The following ASCC3 variants were observed in gnomAD, a reference collection of about 807,000 sequenced individuals.
The protein encoded by ASCC3 is ASC-1 complex subunit P200.
In ASCC3, 158 loss-of-function variants were observed where a neutral mutation model predicts 256.3. The observed-to-expected ratio is 0.62, with a 90% confidence interval of 0.54 to 0.70. ASCC3 has a LOEUF of 0.70. Among genes scored for constraint, ASCC3 ranks in the 30% least tolerant of loss-of-function variants. The pLI is 0.00. For synonymous variants in ASCC3, 948 were observed against 883.4 expected (o/e 1.07, Z -1.30); for missense variants, 2,259 against 2,626.0 (o/e 0.86, Z 3.05).
intron 36 of ASCC3, among the ~76,000 whole-genome samples, chr6:100,546,021 A>G (rs1020379155): frequency 6.6e-6 from 1 of 152,236 alleles, no homozygotes; most frequent in Non-Finnish European, 1.5e-5. Flanking sequence ...ATCAATGTAG[A>G]AAGTCCAATG....
chr6:100,605,537 A>G (rs773450379), intron 33 of ASCC3, 31 bp downstream of exon 33: 3 of 1,415,234 alleles, frequency 2.1e-6, no homozygotes, highest in Non-Finnish European at 2.0e-6. Context: ...GATTAAATAA[A>G]TCCATTTAAA....
At chr6:100,856,474 CAT>C (rs560360086) in intron 3 of ASCC3, 113 of 893,214 alleles carry the variant, frequency 1.3e-4, no homozygotes, top group Admixed American at 1.9e-4. Context: ...ATATAAAAAT[CAT>C]AGTAATTCTT....
At chr6:100,585,474 C>G (rs1044627857) in intron 36 of ASCC3, among the ~76,000 whole-genome samples, 2 of 152,166 alleles carry the variant, frequency 1.3e-5, no homozygotes, top group African/African-American at 4.8e-5. Context: ...TCTAGTTATA[C>G]ATTCGTCTAA....
chr6:100,814,476 T>A (rs148200358), intron 4 of ASCC3, among the ~76,000 whole-genome samples: 8 of 151,878 alleles, frequency 5.3e-5, no homozygotes, highest in Admixed American at 1.3e-4. Flanking sequence ...TAGGGAGGAG[T>A]CCCTCCTCCC....
chr6:100,832,850 C>A (rs543282629), intron 4 of ASCC3, among the ~76,000 whole-genome samples: 3 of 151,826 alleles, frequency 2.0e-5, no homozygotes, highest in Admixed American at 6.6e-5. Context: ...TTATGGATTA[C>A]AATTAAACAA....
At chr6:100,773,635 T>A (rs1312692016) in intron 8 of ASCC3, among the ~76,000 whole-genome samples, 2 of 152,170 alleles carry the variant, frequency 1.3e-5, no homozygotes, top group African/African-American at 4.8e-5. Flanking sequence ...AATATTGAAA[T>A]GAGTCTTTTA....
chr6:100,520,039 T>C (rs770834961), intron 37 of ASCC3, among the ~76,000 whole-genome samples: 1 of 152,146 alleles, frequency 6.6e-6, no homozygotes, highest in Non-Finnish European at 1.5e-5. Context: ...TTGCTACAAG[T>C]TTCTCTGCTC....
chr6:100,869,788 GA>G (rs1773646553), intron 1 of ASCC3, among the ~76,000 whole-genome samples: 1 of 152,032 alleles, frequency 6.6e-6, no homozygotes, highest in South Asian at 2.1e-4. Context: ...CATAGGAAAG[GA>G]AAGGCTGAAA....
chr6:100,662,676 T>G (rs1776283868), intron 14 of ASCC3, 140 bp from the exon 15 acceptor site: 1 of 703,998 alleles, frequency 1.4e-6, no homozygotes. Context: ...TAGTATATAA[T>G]GCTTTATATA....
intron 8 of ASCC3, among the ~76,000 whole-genome samples, chr6:100,769,474 C>A (rs1781819458): frequency 6.6e-6 from 1 of 151,472 alleles, no homozygotes; most frequent in Non-Finnish European, 1.5e-5. Context: ...TCACATCATA[C>A]CATTATTTAT....
chr6:100,555,872 T>C (rs993577486), intron 36 of ASCC3, among the ~76,000 whole-genome samples: 1 of 152,068 alleles, frequency 6.6e-6, no homozygotes, highest in Non-Finnish European at 1.5e-5. Flanking sequence ...GGCACAAGCC[T>C]GTGGTCCCAG....
intron 13 of ASCC3, among the ~76,000 whole-genome samples, chr6:100,681,745 A>G (rs1582687406): frequency 6.6e-6 from 1 of 150,930 alleles, no homozygotes; most frequent in African/African-American, 2.4e-5. Context: ...AAAAAAAAAA[A>G]AAGAAAAGAA....
rs184181931 is a variant in ASCC3, at chr6:100,859,385, C to T, written c.241+4679G>A. Among the ~76,000 whole-genome samples the T allele has an allele frequency of 3.6e-3, 543 of 152,124 alleles. 3 individuals carry two copies. Among genetic ancestry groups the T allele is most frequent in the African/African-American group, 0.013 (526 of 41,556 alleles). Reference sequence around the variant, plus strand: ...TTGTTCCACATTACCCTGTCTGCCACTTTGTGGGAAGTAAAACTCTTTGAA... The same window carrying T: ...TTGTTCCACATTACCCTGTCTGCCATTTTGTGGGAAGTAAAACTCTTTGAA... On this transcript the variant is annotated intron_variant, in intron 3 of 41. Transcript: ENST00000369162.
intron 36 of ASCC3, among the ~76,000 whole-genome samples, chr6:100,586,299 T>C (rs184848110): frequency 0.034 from 5,186 of 152,204 alleles, 271 homozygotes; most frequent in African/African-American, 0.12. Flanking sequence ...GGGTGACCCT[T>C]CCCCAGCCTT....
intron 30 of ASCC3, among the ~76,000 whole-genome samples, chr6:100,622,846 CAA>C (rs1462676545): frequency 2.0e-5 from 3 of 151,888 alleles, no homozygotes; most frequent in African/African-American, 7.3e-5. Flanking sequence ...GAATTCTACA[CAA>C]AGTCTGAGCT....
intron 10 of ASCC3, among the ~76,000 whole-genome samples, chr6:100,756,216 A>C (rs1374591646): frequency 6.6e-6 from 1 of 152,012 alleles, no homozygotes; most frequent in African/African-American, 2.4e-5. Flanking sequence ...TTAAAAAAAA[A>C]AACTTCTTTG....
chr6:100,851,916 C>T (rs987737633), intron 3 of ASCC3, among the ~76,000 whole-genome samples: 4 of 152,090 alleles, frequency 2.6e-5, no homozygotes, highest in Admixed American at 2.6e-4. Context: ...CTGCAACCAC[C>T]CCGGCTTGTC....
intron 32 of ASCC3, 148 bp from the exon 33 acceptor site, chr6:100,605,848 TAC>T: frequency 1.2e-6 from 1 of 819,052 alleles, no homozygotes; most frequent in Non-Finnish European, 1.9e-6. Flanking sequence ...TGGCTACTAC[TAC>T]GTTGAGTTCC....
chr6:100,605,792 A>G lies in ASCC3; in HGVS notation c.5045-92T>C, dbSNP rs1772854164. ...ATGGCATGCTTCTATAATCAACCAA[A>G]TAACAAAAGAAATAGAATATTGTGA... On this transcript the variant is annotated intron_variant, in intron 32 of 41. Coordinates refer to ENST00000369162, the MANE Select transcript of ASCC3 (RefSeq NM_006828.4). 3.7e-6 allele frequency: 5 copies of G among 1,369,412 alleles called. No individual in the cohort carries two copies. In the South Asian group the frequency reaches 4.9e-5, roughly 13 times the overall value. The allele number at this position is 1,369,412 out of a possible 1,614,324, so 84.8% of individuals were successfully genotyped here.
Sources: gnomAD v4.1 joint callset for allele counts (sites outside exome capture counted in the v4.1 genomes callset) on GRCh38, gnomAD v4.1.1 for gene constraint, MANE v1.5 for transcripts, NCBI Gene and HGNC (gene_info 2026-07-23, HGNC 2026-07-21) for gene names.